Variants in FOLH1 observed in about 807,000 individuals in gnomAD.
FOLH1 encodes folate hydrolase 1.
A neutral mutation model predicts 93.9 loss-of-function variants in FOLH1; 54 were observed. The observed-to-expected ratio is 0.57, with a 90% CI of 0.46 to 0.72. The LOEUF is 0.72. Among genes scored for constraint, FOLH1 ranks in the 30% least tolerant of loss-of-function variants. The probability of loss-of-function intolerance (pLI) is 0.00; values close to 1 mark genes in which losing one functional copy is unlikely to be tolerated. For synonymous variants in FOLH1, 249 were observed against 303.6 expected, an observed-to-expected ratio of 0.82 and a Z score of 1.87; for missense variants, 571 against 892.5, an observed-to-expected ratio of 0.64 and a Z score of 4.59.
intron 11 of FOLH1, among the ~76,000 whole-genome samples, chr11:49,170,457 A>G (rs1414538425): frequency 6.6e-6 from 1 of 152,168 alleles, no homozygotes; most frequent in African/African-American, 2.4e-5. Flanking sequence ...TCTATTAAAC[A>G]TAAAAAAATT....
chr11:49,195,999 C>CA (rs1862577326), intron 3 of FOLH1, among the ~76,000 whole-genome samples: 1 of 151,998 alleles, frequency 6.6e-6, no homozygotes, highest in South Asian at 2.1e-4. Flanking sequence ...ACTAAAAATA[C>CA]AAAAATTAGC....
In FOLH1 at chr11:49,170,164, T is replaced by C. The variant is rs1247830648; in HGVS notation, c.1309-906A>G. 2.0e-5 allele frequency among the ~76,000 whole-genome samples: 3 copies of C among 152,340 alleles called. No homozygotes were observed. In the South Asian group the frequency reaches 6.2e-4, roughly 32 times the overall value. ...ACATTGACTTTGCATATATTTACTT[T>C]ATAGCTAACGTTTCTGTTATATAAA... On this transcript the variant is annotated intron_variant, in intron 11 of 18. Transcript: ENST00000256999.
At chr11:49,159,906 C>CTT (rs71454046) in intron 13 of FOLH1, among the ~76,000 whole-genome samples, 2 of 144,424 alleles carry the variant, frequency 1.4e-5, no homozygotes, top group African/African-American at 2.5e-5. Flanking sequence ...TTTTCCTTTT[C>CTT]TTTTTTTTTT....
chr11:49,192,172 C>T (rs1462513513), intron 4 of FOLH1, among the ~76,000 whole-genome samples: 2 of 151,926 alleles, frequency 1.3e-5, no homozygotes, highest in African/African-American at 4.8e-5. Context: ...TAGCTTCAAT[C>T]TGATAATATT....
At chr11:49,159,120 A>AT (rs972748353) in intron 13 of FOLH1, among the ~76,000 whole-genome samples, 3 of 152,066 alleles carry the variant, frequency 2.0e-5, no homozygotes, top group Non-Finnish European at 4.4e-5. Context: ...AATGAGCTTT[A>AT]TTTTTTTATC....
intron 12 of FOLH1, among the ~76,000 whole-genome samples, chr11:49,168,228 T>C (rs546135506): frequency 2.8e-4 from 43 of 151,668 alleles, no homozygotes; most frequent in Admixed American, 5.2e-4. Flanking sequence ...CCTGAAAAAG[T>C]AACATTTCAA....
At chr11:49,166,507 C>T (rs1858431823) in intron 12 of FOLH1, among the ~76,000 whole-genome samples, 1 of 152,184 alleles carries the variant, frequency 6.6e-6, no homozygotes, top group Admixed American at 6.6e-5. Context: ...ACCCACTACG[C>T]TCTTGGTGCT....
At chr11:49,185,979 C>T (rs951634528) in intron 5 of FOLH1, 124 bp from the exon 6 acceptor site, 1 of 1,233,186 alleles carries the variant, frequency 8.1e-7, no homozygotes, top group Non-Finnish European at 1.1e-6. Context: ...TCTCATTAGG[C>T]CTACAACAAA....
chr11:49,208,262 C>G, intron 1 of FOLH1, 30 bp downstream of exon 1: 1 of 1,454,304 alleles, frequency 6.9e-7, no homozygotes, highest in Non-Finnish European at 9.3e-7. Context: ...GGGAAGACTC[C>G]GAGGTTTGCT....
chr11:49,153,736 A>G (rs1236372792), intron 17 of FOLH1, 110 bp downstream of exon 17: 11 of 761,960 alleles, frequency 1.4e-5, no homozygotes, highest in Non-Finnish European at 1.7e-5. Context: ...AAAAAAAAGA[A>G]AACAGCAAGA....
chr11:49,184,283 G>T (rs1861124931), intron 6 of FOLH1, among the ~76,000 whole-genome samples: 1 of 152,112 alleles, frequency 6.6e-6, no homozygotes, highest in Non-Finnish European at 1.5e-5. Flanking sequence ...GTATATGTTA[G>T]AATTATGCCA....
At chr11:49,165,570 A>G (rs1472307099) in intron 12 of FOLH1, among the ~76,000 whole-genome samples, 1 of 152,100 alleles carries the variant, frequency 6.6e-6, no homozygotes. Flanking sequence ...CAAATTCACA[A>G]ACTTGGAGAG....
intron 3 of FOLH1, among the ~76,000 whole-genome samples, chr11:49,197,575 A>T (rs1365280025): frequency 4.6e-5 from 7 of 152,210 alleles, no homozygotes; most frequent in East Asian, 1.9e-4. Flanking sequence ...TTCTCATAGG[A>T]TCCACAAAAT....
chr11:49,157,637 T>TA lies in FOLH1; in HGVS notation c.1532+314dup, dbSNP rs557195658. 1.2e-4 allele frequency among the ~76,000 whole-genome samples: 18 copies of TA among 151,954 alleles called. 1 individual carries two copies. The South Asian group carries it at 3.3e-3, about 28-fold the overall frequency. On this transcript the variant is annotated intron_variant, in intron 14 of 18. Coordinates refer to ENST00000256999, the MANE Select transcript of FOLH1 (RefSeq NM_004476.3). ...GTATAATGCAAATATTCCAAAATCT[T>TA]AAAAAAATCCAAAGTCCAAAACACT... is the stretch of plus-strand genomic sequence containing the variant.
chr11:49,191,170 C>T (rs1450534383), intron 4 of FOLH1, among the ~76,000 whole-genome samples: 1 of 152,050 alleles, frequency 6.6e-6, no homozygotes, highest in Admixed American at 6.5e-5. Flanking sequence ...CGCCACCACT[C>T]CCGGCTAATT....
intron 13 of FOLH1, among the ~76,000 whole-genome samples, chr11:49,161,916 G>A (rs1857746544): frequency 6.6e-6 from 1 of 152,124 alleles, no homozygotes; most frequent in Non-Finnish European, 1.5e-5. Flanking sequence ...ATTCTGGATT[G>A]GAATTTCTTT....
At chr11:49,184,363 C>T (rs1432710270) in intron 6 of FOLH1, among the ~76,000 whole-genome samples, 1 of 152,126 alleles carries the variant, frequency 6.6e-6, no homozygotes, top group African/African-American at 2.4e-5. Context: ...TAAACATTAG[C>T]CCCATAGAAA....
chr11:49,155,176 G>A (rs552444325), intron 15 of FOLH1, among the ~76,000 whole-genome samples: 2 of 152,132 alleles, frequency 1.3e-5, no homozygotes, highest in African/African-American at 2.4e-5. Context: ...ATGTGTTGAA[G>A]AGACTGGGAT....
At chr11:49,171,364 A>T in intron 10 of FOLH1, 87 bp from the exon 11 acceptor site, 1 of 1,448,982 alleles carries the variant, frequency 6.9e-7, no homozygotes, top group African/African-American at 1.5e-5. Flanking sequence ...AAAAAAAAAA[A>T]AAAAAGTCAT....
Sources: gnomAD v4.1 joint callset for allele counts (sites outside exome capture counted in the v4.1 genomes callset) on GRCh38, gnomAD v4.1.1 for gene constraint, MANE v1.5 for transcripts, NCBI Gene and HGNC (gene_info 2026-07-23, HGNC 2026-07-21) for gene names.